ASTN2: variants seen among roughly 807,000 people sequenced by gnomAD.
ASTN2 encodes astrotactin 2.
In ASTN2, 54 loss-of-function variants were observed where a neutral mutation model predicts 139.8. The observed-to-expected ratio is 0.39, with a 90% CI of 0.31 to 0.48. The LOEUF (loss-of-function observed/expected upper bound fraction) is 0.48. Among genes scored for constraint, ASTN2 ranks in the 20% least tolerant of loss-of-function variants. The pLI, the probability that ASTN2 is intolerant of heterozygous loss-of-function variation, is 0.95. For missense variants in ASTN2, 1,565 were observed against 1,725.1 expected (o/e 0.91, Z 1.64); for synonymous variants, 756 against 719.5 (o/e 1.05, Z -0.81).
chr9:116,462,043 A>C (rs1848502530), intron 20 of ASTN2, among the ~76,000 whole-genome samples: 1 of 152,102 alleles, frequency 6.6e-6, no homozygotes, highest in East Asian at 1.9e-4. Flanking sequence ...AATTGAAGAA[A>C]CTAAAGCTCT....
chr9:116,909,691 G>C (rs1834260379), intron 10 of ASTN2, among the ~76,000 whole-genome samples: 1 of 152,212 alleles, frequency 6.6e-6, no homozygotes, highest in Non-Finnish European at 1.5e-5. Flanking sequence ...AGAAAGAAGG[G>C]AGGATATAGC....
At chr9:117,374,796 C>A (rs1358970147) in intron 1 of ASTN2, among the ~76,000 whole-genome samples, 1 of 152,138 alleles carries the variant, frequency 6.6e-6, no homozygotes, top group Non-Finnish European at 1.5e-5. Flanking sequence ...CCAGGAGCAC[C>A]TACCAAAGGA....
intron 19 of ASTN2, chr9:116,547,218 G>C (rs1852135192): frequency 6.6e-6 from 1 of 152,170 alleles, no homozygotes; most frequent in African/African-American, 2.4e-5. Flanking sequence ...ATGCAGCTGT[G>C]TTTGGTGATA....
At chr9:117,285,672 A>T (rs1834431694) in intron 2 of ASTN2, among the ~76,000 whole-genome samples, 1 of 152,186 alleles carries the variant, frequency 6.6e-6, no homozygotes, top group African/African-American at 2.4e-5. Flanking sequence ...AACCCCAGTG[A>T]CTTTGCCTGC....
intron 3 of ASTN2, among the ~76,000 whole-genome samples, chr9:117,202,720 C>T (rs1831766927): frequency 6.6e-6 from 1 of 152,214 alleles, no homozygotes. Flanking sequence ...TTCTGATGGG[C>T]TTCCCTTTGT....
intron 16 of ASTN2, among the ~76,000 whole-genome samples, chr9:116,722,239 C>G (rs62574198): frequency 6.8e-6 from 1 of 146,854 alleles, no homozygotes; most frequent in African/African-American, 2.5e-5. Context: ...TTTGGTGCCA[C>G]AACATCTGAC....
chr9:117,045,426 A>T (rs1838705070), intron 5 of ASTN2, among the ~76,000 whole-genome samples: 1 of 152,012 alleles, frequency 6.6e-6, no homozygotes, highest in Non-Finnish European at 1.5e-5. Flanking sequence ...CTGTAGGAAT[A>T]GCATTCCACC....
intron 16 of ASTN2, among the ~76,000 whole-genome samples, chr9:116,714,131 C>T (rs1339891915): frequency 6.6e-6 from 1 of 152,208 alleles, no homozygotes; most frequent in East Asian, 1.9e-4. Flanking sequence ...CACATATATA[C>T]ATTCTTCTAG....
intron 1 of ASTN2, among the ~76,000 whole-genome samples, chr9:117,361,052 T>C (rs1288769562): frequency 6.6e-6 from 1 of 152,104 alleles, no homozygotes; most frequent in Non-Finnish European, 1.5e-5. Flanking sequence ...CTCAGGGGGA[T>C]TGAGACAAAT....
rs192508207 is a variant in ASTN2 at position 116,829,792 on chromosome 9, A to T, written c.2041-9009T>A. ...TGGGAACACAAATCCAAATCATATC[A>T]CTGGTCAATAAATGGTACTGAAAAA... On this transcript the variant is annotated intron_variant, in intron 11 of 22. Coordinates refer to ENST00000313400, the MANE Select transcript of ASTN2 (RefSeq NM_001365068.1). Among the ~76,000 whole-genome samples, 246 of 152,326 alleles carry T rather than the reference A, an allele frequency of 1.6e-3. 3 individuals carry two copies. Among genetic ancestry groups the T allele is most frequent in the Middle Eastern group, 6.8e-3 (2 of 294 alleles).
intron 11 of ASTN2, among the ~76,000 whole-genome samples, chr9:116,840,354 C>T (rs1381650220): frequency 2.0e-5 from 3 of 151,302 alleles, no homozygotes; most frequent in South Asian, 4.2e-4. Context: ...CACAAAGCCG[C>T]GATTGTCATC....
intron 1 of ASTN2, among the ~76,000 whole-genome samples, chr9:117,391,569 C>T (rs1035532783): frequency 1.3e-5 from 2 of 152,110 alleles, no homozygotes; most frequent in African/African-American, 4.8e-5. Context: ...CCTCACAACA[C>T]GTGGGAATTA....
intron 19 of ASTN2, among the ~76,000 whole-genome samples, chr9:116,506,909 C>T (rs1434101463): frequency 6.6e-6 from 1 of 152,100 alleles, no homozygotes; most frequent in Non-Finnish European, 1.5e-5. Flanking sequence ...TTGTGACTCA[C>T]CTGCCCTCTC....
chr9:116,743,597 C>T (rs570151341), intron 13 of ASTN2, among the ~76,000 whole-genome samples: 1 of 151,398 alleles, frequency 6.6e-6, no homozygotes, highest in South Asian at 2.1e-4. Flanking sequence ...CTGAAACCTC[C>T]ATCTCCCGGG....
intron 16 of ASTN2, among the ~76,000 whole-genome samples, chr9:116,716,411 G>A (rs1196723490): frequency 2.0e-5 from 3 of 152,126 alleles, no homozygotes; most frequent in African/African-American, 7.2e-5. Flanking sequence ...GGAGAGGGAA[G>A]GCCAAACCAT....
At chr9:117,357,047 C>T (rs1829559122) in intron 1 of ASTN2, among the ~76,000 whole-genome samples, 1 of 152,070 alleles carries the variant, frequency 6.6e-6, no homozygotes, top group South Asian at 2.1e-4. Context: ...CTAGGTGACA[C>T]AGCAATACTC....
chr9:116,609,303 T>TCC (rs1855385867), intron 19 of ASTN2, among the ~76,000 whole-genome samples: 1 of 63,092 alleles, frequency 1.6e-5, no homozygotes, highest in Non-Finnish European at 3.4e-5. Context: ...AGGATCTCTC[T>TCC]CTCTCTCTCT....
intron 13 of ASTN2, among the ~76,000 whole-genome samples, chr9:116,743,010 G>A (rs1046307423): frequency 2.0e-5 from 3 of 152,032 alleles, no homozygotes; most frequent in Non-Finnish European, 4.4e-5. Flanking sequence ...TCAGAGCCAA[G>A]CTCAAACAAA....
At chr9:116,914,160 C>T (rs891216909) in intron 10 of ASTN2, among the ~76,000 whole-genome samples, 9 of 151,696 alleles carry the variant, frequency 5.9e-5, no homozygotes, top group East Asian at 3.9e-4. Flanking sequence ...GCTATGGGGA[C>T]GAGGTTCTTG....
Sources: gnomAD v4.1 joint callset for allele counts (sites outside exome capture counted in the v4.1 genomes callset) on GRCh38, gnomAD v4.1.1 for gene constraint, MANE v1.5 for transcripts, NCBI Gene and HGNC (gene_info 2026-07-23, HGNC 2026-07-21) for gene names.